Variants in RNF144A observed in about 807,000 individuals in gnomAD.
The protein encoded by RNF144A is ring finger protein 144A.
A neutral mutation model predicts 38.7 loss-of-function variants in RNF144A; 11 were observed. The observed-to-expected ratio is 0.28, with a 90% CI of 0.18 to 0.47. The LOEUF is 0.47. Ranked by LOEUF, RNF144A falls within the 20% of genes least tolerant of loss-of-function variation. The pLI is 0.99. For synonymous variants in RNF144A, 149 were observed against 143.9 expected, an observed-to-expected ratio of 1.04 and a Z score of -0.25; for missense variants, 316 against 377.2, an observed-to-expected ratio of 0.84 and a Z score of 1.34.
chr2:6,982,046 A>G (rs1389729798), intron 2 of RNF144A, among the ~76,000 whole-genome samples: 5 of 151,956 alleles, frequency 3.3e-5, no homozygotes, highest in Non-Finnish European at 7.4e-5. Context: ...ATCTCGTGAG[A>G]TCTCCCTTAC....
intron 6 of RNF144A, among the ~76,000 whole-genome samples, chr2:7,052,773 G>C (rs547816445): frequency 6.6e-6 from 1 of 151,948 alleles, no homozygotes; most frequent in South Asian, 2.1e-4. Context: ...GGACCTTCCT[G>C]TTCTCTGGAA....
intron 6 of RNF144A, among the ~76,000 whole-genome samples, chr2:7,063,989 T>G (rs1674086830): frequency 6.6e-6 from 1 of 152,142 alleles, no homozygotes; most frequent in Non-Finnish European, 1.5e-5. Flanking sequence ...AGGGTACCCA[T>G]GGTGGAAAGT....
intron 2 of RNF144A, among the ~76,000 whole-genome samples, chr2:6,995,699 T>C (rs1454879641): frequency 5.3e-5 from 8 of 152,240 alleles, no homozygotes; most frequent in Non-Finnish European, 1.2e-4. Flanking sequence ...GCCTGCTTTT[T>C]ATTCTGGCTT....
At chr2:6,988,792 G>A (rs1669121656) in intron 2 of RNF144A, among the ~76,000 whole-genome samples, 3 of 152,168 alleles carry the variant, frequency 2.0e-5, no homozygotes, top group Non-Finnish European at 4.4e-5. Flanking sequence ...CTCCTTGAGG[G>A]CATAGCATCT....
the RNF144A span, among the ~76,000 whole-genome samples, chr2:7,076,086 C>T: frequency 1.3e-5 from 2 of 152,262 alleles, no homozygotes; most frequent in Non-Finnish European, 2.9e-5. Flanking sequence ...ATTGAGCCTC[C>T]CTGTGTTTCT....
intron 8 of RNF144A, among the ~76,000 whole-genome samples, chr2:7,032,604 T>G (rs1019655486): frequency 2.6e-5 from 4 of 152,242 alleles, no homozygotes; most frequent in Admixed American, 2.6e-4. Flanking sequence ...GATGCGTCAC[T>G]GCAATCCTCC....
At position 7,039,924 on chromosome 2, in the gene RNF144A, T is replaced by C. The variant is rs1572464636; in HGVS notation, c.*164T>C. 2.8e-6 allele frequency: 4 copies of C among 1,428,838 alleles called. No homozygotes were observed. The highest frequency in any genetic ancestry group is 2.9e-5 in the African/African-American group (2 of 69,434). 88.5% of individuals were successfully genotyped at this position (1,428,838 alleles called of 1,614,324 possible). On this transcript the variant is annotated 3_prime_UTR_variant, in exon 9 of 9. Coordinates refer to ENST00000320892, the MANE Select transcript of RNF144A (RefSeq NM_014746.6). ...GTGATTTCAGGGACCTATGTCACAA[T>C]GTTCGCTGAGGCCCCAGGTGTGGTG... is the stretch of plus-strand genomic sequence containing the variant.
intron 6 of RNF144A, among the ~76,000 whole-genome samples, chr2:7,051,319 G>T (rs1387566485): frequency 6.6e-6 from 1 of 152,198 alleles, no homozygotes; most frequent in Non-Finnish European, 1.5e-5. Context: ...AGGGTGAGGG[G>T]ATTGGAGGTG....
In RNF144A at chr2:6,919,241, C is replaced by G. The variant is rs906703419; in HGVS notation, c.-212+1619C>G. ...CTCTGTCCAGAGAGAGCTGCTCCAGCGCAGGAAGGGGGAGGGACAAGGTGT... is the reference window on the plus strand; with the variant it reads ...CTCTGTCCAGAGAGAGCTGCTCCAGGGCAGGAAGGGGGAGGGACAAGGTGT... On this transcript the variant is annotated intron_variant, in intron 1 of 8. Coordinates refer to ENST00000320892, the MANE Select transcript of RNF144A (RefSeq NM_014746.6). Among the ~76,000 whole-genome samples the G allele has an allele frequency of 3.5e-4, 54 of 152,124 alleles. 1 individual carries two copies. The highest frequency in any genetic ancestry group is 3.4e-3 in the Middle Eastern group (1 of 294).
In RNF144A at chr2:6,958,973, G is replaced by A. The variant is rs1385386143; in HGVS notation, c.-12+17826G>A. 2.0e-5 allele frequency among the ~76,000 whole-genome samples: 3 copies of A among 152,136 alleles called. No homozygotes were observed. The highest frequency in any genetic ancestry group is 1.9e-4 in the East Asian group (1 of 5,194). On this transcript the variant is annotated intron_variant, in intron 2 of 8. Coordinates refer to ENST00000320892, the MANE Select transcript of RNF144A (RefSeq NM_014746.6). The surrounding 1 kb of genome is among the most constrained non-coding windows in gnomAD (Gnocchi z 4.5). Reference sequence around the variant, plus strand: ...AGATCATCTTGCAGGTGCAGCGTGGGCGTCCAGTTACTGCTCTCCGGGGCT... The same window carrying A: ...AGATCATCTTGCAGGTGCAGCGTGGACGTCCAGTTACTGCTCTCCGGGGCT...
chr2:7,027,697 C>T (rs761282428), intron 7 of RNF144A, among the ~76,000 whole-genome samples: 21 of 152,322 alleles, frequency 1.4e-4, no homozygotes, highest in South Asian at 4.1e-4. Context: ...CATCCCACCC[C>T]GGAGTTCAAT....
At chr2:7,060,531 C>G (rs138429224) in intron 6 of RNF144A, among the ~76,000 whole-genome samples, 1 of 152,320 alleles carries the variant, frequency 6.6e-6, no homozygotes, top group Admixed American at 6.5e-5. Flanking sequence ...CCTGGCAAAA[C>G]TTCAGCCAGA....
rs184911834 is a variant in RNF144A, at chr2:6,943,496, G to T, written c.-12+2349G>T. 1.0e-3 allele frequency among the ~76,000 whole-genome samples: 153 copies of T among 152,340 alleles called. No individual in the cohort carries two copies. Among genetic ancestry groups the T allele is most frequent in the Non-Finnish European group, 2.0e-3 (135 of 68,026 alleles). ...AGGTGGTATCTGGTGGGGTAAATAAGCTTAGGAGAATTATTTTTCAGTTGG... is the reference window on the plus strand; with the variant it reads ...AGGTGGTATCTGGTGGGGTAAATAATCTTAGGAGAATTATTTTTCAGTTGG... On this transcript the variant is annotated intron_variant, in intron 2 of 8. Transcript: ENST00000320892. The surrounding 1 kb of genome is among the most constrained non-coding windows in gnomAD (Gnocchi z 4.3).
intron 8 of RNF144A, among the ~76,000 whole-genome samples, chr2:7,036,046 C>T (rs886405647): frequency 2.6e-5 from 4 of 152,204 alleles, no homozygotes; most frequent in Non-Finnish European, 5.9e-5. Flanking sequence ...ACTGACTGTG[C>T]GGTTGCTGGA....
At chr2:7,070,778 G>A (rs996864999), downstream of RNF144A, among the ~76,000 whole-genome samples, 4 of 152,058 alleles carry the variant, frequency 2.6e-5, no homozygotes, top group African/African-American at 9.7e-5. Context: ...AAAAAGTTCC[G>A]CGATTGCCAA....
chr2:6,992,525 T>G (rs1356016415), intron 2 of RNF144A, among the ~76,000 whole-genome samples: 3 of 151,524 alleles, frequency 2.0e-5, no homozygotes, highest in Non-Finnish European at 4.4e-5. Flanking sequence ...GAAAAGGGAG[T>G]TAGGCTGCAG....
rs550098122 is a variant in RNF144A at position 6,929,775 on chromosome 2, G to T, written c.-211-11173G>T. Reference sequence around the variant, plus strand: ...TTTATGTAGAAATCAATTTAGTTACGATATAACTACCATTATGTGATAATA... The same window carrying T: ...TTTATGTAGAAATCAATTTAGTTACTATATAACTACCATTATGTGATAATA... On this transcript the variant is annotated intron_variant, in intron 1 of 8. Coordinates refer to ENST00000320892, the MANE Select transcript of RNF144A (RefSeq NM_014746.6). Among the ~76,000 whole-genome samples the T allele has an allele frequency of 5.9e-5, 9 of 152,224 alleles. No homozygotes were observed. In the South Asian group the frequency reaches 1.9e-3, roughly 32 times the overall value.
At chr2:6,969,719 A>G (rs533020926) in intron 2 of RNF144A, among the ~76,000 whole-genome samples, 40 of 152,336 alleles carry the variant, frequency 2.6e-4, no homozygotes, top group African/African-American at 9.4e-4. Context: ...TGCAGGCAAA[A>G]TACAGTCAGT....
At chr2:6,955,402 C>G (rs551021338) in intron 2 of RNF144A, among the ~76,000 whole-genome samples, 5 of 152,160 alleles carry the variant, frequency 3.3e-5, no homozygotes, top group African/African-American at 4.8e-5. Context: ...ACATCCTTTA[C>G]ATTTAAGGCC....
Sources: gnomAD v4.1 joint callset for allele counts (sites outside exome capture counted in the v4.1 genomes callset) on GRCh38, gnomAD v4.1.1 for gene constraint, Gnocchi (gnomAD v3.1) non-coding constraint, MANE v1.5 for transcripts, NCBI Gene and HGNC (gene_info 2026-07-23, HGNC 2026-07-21) for gene names.